Variants in HTR2A observed in about 807,000 individuals in gnomAD.
The protein encoded by HTR2A is 5-HT2 receptor.
HTR2A carries 14 observed loss-of-function variants against 31.0 expected under a neutral mutation model. The ratio of observed to expected loss-of-function variants is 0.45; its 90% CI spans 0.30 to 0.71. The LOEUF is 0.71. HTR2A is among the 30% of genes least tolerant of loss of function. The pLI, the probability that HTR2A is intolerant of heterozygous loss-of-function variation, is 0.09. For synonymous variants in HTR2A, 209 were observed against 225.2 expected (o/e 0.93, Z 0.64); for missense variants, 442 against 573.3 (o/e 0.77, Z 2.34).
Position 46,835,587 on chromosome 13 carries a change from A to G in HTR2A, c.666T>C (p.Phe222=), listed in dbSNP as rs1876425733. 6.2e-7 allele frequency: 1 copy of G among 1,613,860 alleles called. No homozygotes were observed. Among genetic ancestry groups the G allele is most frequent in the Admixed American group, 1.7e-5 (1 of 59,976 alleles). The change falls in exon 4 of 4, where the codon TTT becomes TTC. Residue 222 remains phenylalanine (F), a synonymous_variant. Transcript: ENST00000542664. ...VFGLQDDSKV[F]KEGSCLLADD... ...CGGCGAGTAAGCAACTCCCCTCCTT[A>G]AAGACCTTCGAATCGTCCTGTAGCC...
In HTR2A at chr13:46,894,281, C is replaced by T. The variant is rs978073765; in HGVS notation, c.412+1214G>A. Among the ~76,000 whole-genome samples the T allele has an allele frequency of 5.2e-4, 79 of 152,256 alleles. 1 individual carries two copies. Among genetic ancestry groups the T allele is most frequent in the African/African-American group, 1.7e-3 (69 of 41,562 alleles). ...TCCCCAAGCGGGTGACGCCGGGGGT[C>T]ACCCCACCCTCCAGCCTCTGTTTTG... On this transcript the variant is annotated intron_variant, in intron 2 of 3. Transcript: ENST00000542664.
intron 3 of HTR2A, among the ~76,000 whole-genome samples, chr13:46,857,494 T>C (rs1053569121): frequency 1.3e-5 from 2 of 152,168 alleles, no homozygotes; most frequent in African/African-American, 4.8e-5. Context: ...ATCTCATTCC[T>C]GAGAGCTCTG....
Position 46,895,916 on chromosome 13 carries a change from A to G in HTR2A, c.-10T>C, listed in dbSNP as rs1951100093. The G allele has an allele frequency of 6.3e-7, 1 of 1,598,832 alleles. No individual in the cohort carries two copies. The highest frequency in any genetic ancestry group is 1.3e-5 in the African/African-American group (1 of 74,554). Reference sequence around the variant, plus strand: ...CACAAAGAATATCCATGTCTAAGCCAGAACTTGTAGCAGATGAGGTGTAGA... The same window carrying G: ...CACAAAGAATATCCATGTCTAAGCCGGAACTTGTAGCAGATGAGGTGTAGA... On this transcript the variant is annotated 5_prime_UTR_variant, in exon 2 of 4. Coordinates refer to ENST00000542664, the MANE Select transcript of HTR2A (RefSeq NM_000621.5). This position sits in a 1 kb window ranked among gnomAD's most constrained non-coding sequence, Gnocchi z 4.4.
In HTR2A at chr13:46,835,596, C is replaced by T. The variant is rs35480504; in HGVS notation, c.657G>A (p.Ser219=). The change falls in exon 4 of 4, where the codon TCG becomes TCA. Residue 219 remains serine, a synonymous_variant. Transcript: ENST00000542664. ...PIPVFGLQDD[S]KVFKEGSCLL... is the part of the protein sequence containing the mutation. ...AGCAACTCCCCTCCTTAAAGACCTT[C>T]GAATCGTCCTGTAGCCCAAAGACTG... The T allele has an allele frequency of 1.3e-3, 2,031 of 1,613,904 alleles. 1 individual carries two copies. Among genetic ancestry groups the T allele is most frequent in the Non-Finnish European group, 1.5e-3 (1,739 of 1,179,880 alleles).
chr13:46,863,279 A>C (rs1439687191), intron 3 of HTR2A, among the ~76,000 whole-genome samples: 1 of 152,196 alleles, frequency 6.6e-6, no homozygotes, highest in African/African-American at 2.4e-5. Context: ...TAAAAAATAA[A>C]AAGGGAATAA....
chr13:46,887,216 G>A (rs1409898518), intron 3 of HTR2A, among the ~76,000 whole-genome samples: 1 of 151,896 alleles, frequency 6.6e-6, no homozygotes, highest in East Asian at 1.9e-4. Flanking sequence ...TCAGTAGATC[G>A]AGACCATCCT....
chr13:46,896,551 A>G lies in HTR2A; in HGVS notation c.-329+123T>C. The stretch of plus-strand genomic sequence containing the variant: ...AAGGAAAACAAAAAAGTCTTAAGTA[A>G]AGATTAGCAGACAACTTTCCTCCCT... On this transcript the variant is annotated intron_variant, in intron 1 of 3. Transcript: ENST00000542664. 5.1e-6 allele frequency: 4 copies of G among 784,408 alleles called. No individual in the cohort carries two copies. The South Asian group carries it at 8.1e-5, about 16-fold the overall frequency. 48.6% of individuals were successfully genotyped at this position (784,408 alleles called of 1,614,324 possible). A position where few individuals can be genotyped will look rare whatever the true frequency, so the allele number is the denominator to read the frequency against.
chr13:46,882,597 G>A (rs920657708), intron 3 of HTR2A, among the ~76,000 whole-genome samples: 2 of 152,152 alleles, frequency 1.3e-5, no homozygotes, highest in Non-Finnish European at 2.9e-5. Flanking sequence ...ATTAATAAAT[G>A]AGACTCCATA....
At chr13:46,838,773 G>A (rs1482659723) in intron 3 of HTR2A, among the ~76,000 whole-genome samples, 1 of 152,064 alleles carries the variant, frequency 6.6e-6, no homozygotes, top group Admixed American at 6.6e-5. Flanking sequence ...TCCAAAAAAG[G>A]TGTGTGATTT....
At chr13:46,871,442 AG>A (rs763309936) in intron 3 of HTR2A, among the ~76,000 whole-genome samples, 6 of 152,192 alleles carry the variant, frequency 3.9e-5, no homozygotes, top group Non-Finnish European at 5.9e-5. Context: ...AAACTATTAC[AG>A]GCTGCTGAAC....
At chr13:46,839,880 GA>G (rs1950585583) in intron 3 of HTR2A, among the ~76,000 whole-genome samples, 1 of 152,098 alleles carries the variant, frequency 6.6e-6, no homozygotes, top group Non-Finnish European at 1.5e-5. Context: ...AATTCACTTT[GA>G]ACCGCTGGCT....
intron 3 of HTR2A, among the ~76,000 whole-genome samples, chr13:46,860,422 G>A (rs191613132): frequency 2.2e-4 from 33 of 152,344 alleles, no homozygotes; most frequent in African/African-American, 5.3e-4. Context: ...CTGTGTGAAC[G>A]TGTTTGTGTC....
intron 3 of HTR2A, among the ~76,000 whole-genome samples, chr13:46,882,340 A>G (rs61948337): frequency 0.039 from 6,013 of 152,312 alleles, 161 homozygotes; most frequent in South Asian, 0.093. Context: ...AAACACCTAA[A>G]TACACATGGA....
chr13:46,859,018 G>T (rs1205988368), intron 3 of HTR2A, among the ~76,000 whole-genome samples: 1 of 152,180 alleles, frequency 6.6e-6, no homozygotes, highest in Non-Finnish European at 1.5e-5. Context: ...GAAGAATTTG[G>T]CATCACTTTG....
At chr13:46,887,949 T>C (rs1951021021) in intron 3 of HTR2A, among the ~76,000 whole-genome samples, 1 of 151,956 alleles carries the variant, frequency 6.6e-6, no homozygotes, top group African/African-American at 2.4e-5. Flanking sequence ...TCAGGAAGAA[T>C]AACTAATGGA....
At chr13:46,851,390 T>C (rs75670154) in intron 3 of HTR2A, among the ~76,000 whole-genome samples, 1 of 152,310 alleles carries the variant, frequency 6.6e-6, no homozygotes, top group East Asian at 1.9e-4. Flanking sequence ...GGTTCAAACA[T>C]AGTACATGCA....
chr13:46,897,604 C>T (rs1951114165), upstream of HTR2A, among the ~76,000 whole-genome samples: 2 of 152,314 alleles, frequency 1.3e-5, no homozygotes, highest in East Asian at 1.9e-4. Flanking sequence ...CCAGTAATGA[C>T]AACTTGCCTT....
In HTR2A at chr13:46,891,305, A is replaced by T. The variant is rs1951050739; in HGVS notation, c.613+1085T>A. Among the ~76,000 whole-genome samples, 3 of 152,176 alleles carry T rather than the reference A, an allele frequency of 2.0e-5. No individual in the cohort carries two copies. In the South Asian group the frequency reaches 6.2e-4, roughly 32 times the overall value. On this transcript the variant is annotated intron_variant, in intron 3 of 3. Coordinates refer to ENST00000542664, the MANE Select transcript of HTR2A (RefSeq NM_000621.5). ...GATGTTCCCATCAGAATTCAATAAAATCCTTGTTGTGCTACTTACTGGCTG... is the reference window on the plus strand; with the variant it reads ...GATGTTCCCATCAGAATTCAATAAATTCCTTGTTGTGCTACTTACTGGCTG...
intron 3 of HTR2A, among the ~76,000 whole-genome samples, chr13:46,859,682 C>T (rs1453794280): frequency 2.0e-5 from 3 of 152,126 alleles, no homozygotes; most frequent in Non-Finnish European, 2.9e-5. Context: ...CCCCTTCTGC[C>T]ATGATTGAAA....
Sources: gnomAD v4.1 joint callset for allele counts (sites outside exome capture counted in the v4.1 genomes callset) on GRCh38, gnomAD v4.1.1 for gene constraint, Gnocchi (gnomAD v3.1) non-coding constraint, MANE v1.5 for transcripts, NCBI Gene and HGNC (gene_info 2026-07-23, HGNC 2026-07-21) for gene names.